Variants in UNC5D observed in about 807,000 individuals in gnomAD.
UNC5D encodes the protein unc-5 netrin receptor D, also known as netrin receptor UNC5D.
A neutral mutation model predicts 105.4 loss-of-function variants in UNC5D; 39 were observed. That is an observed-to-expected ratio of 0.37 (90% CI 0.29 to 0.48). The LOEUF (loss-of-function observed/expected upper bound fraction) is 0.48. UNC5D is among the 20% of genes least tolerant of loss of function. UNC5D has a pLI of 0.98. For synonymous variants in UNC5D, 452 were observed against 450.4 expected, an observed-to-expected ratio of 1.00 and a Z score of -0.04; for missense variants, 991 against 1,202.4, an observed-to-expected ratio of 0.82 and a Z score of 2.60.
intron 1 of UNC5D, among the ~76,000 whole-genome samples, chr8:35,382,034 A>T (rs763743787): frequency 6.6e-6 from 1 of 152,234 alleles, no homozygotes; most frequent in African/African-American, 2.4e-5. Context: ...ATTTTTAAAG[A>T]ACACATTTGC....
intron 9 of UNC5D, chr8:35,724,132 C>G: frequency 7.0e-7 from 1 of 1,422,288 alleles, no homozygotes; most frequent in South Asian, 1.5e-5. Context: ...TGGCCTACAC[C>G]TGTCTGGGGA....
In UNC5D at chr8:35,546,460, C is replaced by T. The variant is rs187863960; in HGVS notation, c.104-2832C>T. On this transcript the variant is annotated intron_variant, in intron 1 of 16. Transcript: ENST00000404895. Reference sequence around the variant, plus strand: ...TGCCAGATACATAGACGTATTCATGCGTTGTTACTAGTAAAGGAAAAGTGC... The same window carrying T: ...TGCCAGATACATAGACGTATTCATGTGTTGTTACTAGTAAAGGAAAAGTGC... Among the ~76,000 whole-genome samples the T allele has an allele frequency of 3.9e-5, 6 of 152,232 alleles. No homozygotes were observed. The East Asian group carries it at 7.7e-4, about 20-fold the overall frequency.
chr8:35,293,230 A>C (rs1807210896), intron 1 of UNC5D, among the ~76,000 whole-genome samples: 1 of 152,072 alleles, frequency 6.6e-6, no homozygotes, highest in South Asian at 2.1e-4. Context: ...GGCACATTTG[A>C]TGTAGCTTTA....
At chr8:35,243,196 T>C (rs1454902479) in intron 1 of UNC5D, among the ~76,000 whole-genome samples, 2 of 152,178 alleles carry the variant, frequency 1.3e-5, no homozygotes, top group African/African-American at 4.8e-5. Context: ...TGTTTTTTCT[T>C]TTGCAAGCCA....
intron 8 of UNC5D, among the ~76,000 whole-genome samples, chr8:35,706,796 A>C (rs867366643): frequency 1.3e-5 from 2 of 152,192 alleles, no homozygotes; most frequent in Non-Finnish European, 2.9e-5. Flanking sequence ...GGAGCTTGTT[A>C]AATTAAATAT....
intron 1 of UNC5D, among the ~76,000 whole-genome samples, chr8:35,244,944 A>T (rs986115256): frequency 3.3e-5 from 5 of 152,106 alleles, no homozygotes; most frequent in African/African-American, 4.8e-5. Flanking sequence ...TGAGCCCAGG[A>T]ATTTGAGGTG....
At chr8:35,298,025 T>C (rs765134661) in intron 1 of UNC5D, among the ~76,000 whole-genome samples, 1 of 152,168 alleles carries the variant, frequency 6.6e-6, no homozygotes, top group Non-Finnish European at 1.5e-5. Context: ...AGGCTTCACA[T>C]AGGGCTTCCT....
intron 11 of UNC5D, among the ~76,000 whole-genome samples, chr8:35,735,599 G>A (rs1220563236): frequency 6.6e-6 from 1 of 152,116 alleles, no homozygotes; most frequent in Non-Finnish European, 1.5e-5. Flanking sequence ...GTGCTTAGAT[G>A]GTACCATGGC....
intron 14 of UNC5D, among the ~76,000 whole-genome samples, chr8:35,765,506 A>G (rs1801725773): frequency 6.6e-6 from 1 of 152,186 alleles, no homozygotes; most frequent in Admixed American, 6.5e-5. Flanking sequence ...ATTTGATTTT[A>G]TTATTTCATA....
chr8:35,394,139 G>C (rs1803955623), intron 1 of UNC5D, among the ~76,000 whole-genome samples: 1 of 151,958 alleles, frequency 6.6e-6, no homozygotes, highest in South Asian at 2.1e-4. Flanking sequence ...GTGTCTTAGG[G>C]GTAGTTCTTC....
At chr8:35,416,024 G>T (rs979720541) in intron 1 of UNC5D, among the ~76,000 whole-genome samples, 2 of 152,000 alleles carry the variant, frequency 1.3e-5, no homozygotes, top group Admixed American at 6.6e-5. Context: ...ACATTCCAAG[G>T]TACCAAGAAG....
At chr8:35,310,397 A>G (rs1242812322) in intron 1 of UNC5D, among the ~76,000 whole-genome samples, 1 of 152,130 alleles carries the variant, frequency 6.6e-6, no homozygotes, top group Non-Finnish European at 1.5e-5. Context: ...AGGCAGGCCG[A>G]TCACTAGAGG....
intron 1 of UNC5D, among the ~76,000 whole-genome samples, chr8:35,462,545 A>T (rs1028027210): frequency 3.3e-5 from 5 of 152,208 alleles, no homozygotes; most frequent in Admixed American, 6.5e-5. Context: ...TTTAAACAGC[A>T]CTAATGGTAT....
At chr8:35,641,726 G>A (rs956415265) in intron 4 of UNC5D, among the ~76,000 whole-genome samples, 1 of 151,998 alleles carries the variant, frequency 6.6e-6, no homozygotes, top group Non-Finnish European at 1.5e-5. Flanking sequence ...GCAAAAATAC[G>A]GCTTTTTCAA....
At chr8:35,283,256 G>T (rs1017883557) in intron 1 of UNC5D, among the ~76,000 whole-genome samples, 10 of 151,884 alleles carry the variant, frequency 6.6e-5, no homozygotes, top group African/African-American at 2.4e-4. Flanking sequence ...GGTCACTTTT[G>T]TCCCCAGCAT....
intron 8 of UNC5D, among the ~76,000 whole-genome samples, chr8:35,721,058 C>T (rs1200812869): frequency 6.6e-6 from 1 of 152,126 alleles, no homozygotes; most frequent in Admixed American, 6.6e-5. Context: ...GCGGTGAATG[C>T]ATAGTAAGTG....
chr8:35,605,214 G>A (rs1349662861), intron 4 of UNC5D, among the ~76,000 whole-genome samples: 1 of 152,030 alleles, frequency 6.6e-6, no homozygotes, highest in Non-Finnish European at 1.5e-5. Context: ...ATGTACAGAT[G>A]GGTTTTTGGT....
chr8:35,377,941 G>A (rs1802795618), intron 1 of UNC5D, among the ~76,000 whole-genome samples: 2 of 151,992 alleles, frequency 1.3e-5, no homozygotes, highest in African/African-American at 4.8e-5. Context: ...TCACCATATT[G>A]CAAGCATTGC....
chr8:35,751,815 T>C (rs1830293142), intron 13 of UNC5D, among the ~76,000 whole-genome samples: 2 of 152,140 alleles, frequency 1.3e-5, no homozygotes, highest in Admixed American at 6.5e-5. Flanking sequence ...CGAAACATAA[T>C]CAGAATTCAA....
Sources: gnomAD v4.1 joint callset for allele counts (sites outside exome capture counted in the v4.1 genomes callset) on GRCh38, gnomAD v4.1.1 for gene constraint, MANE v1.5 for transcripts, NCBI Gene and HGNC (gene_info 2026-07-23, HGNC 2026-07-21) for gene names.